CIMIP2C: variants seen among roughly 807,000 people sequenced by gnomAD.
The protein encoded by CIMIP2C is ciliary microtubule inner protein 2C.
chr2:26,562,939 G>A, the CIMIP2C span: 1 of 524,164 alleles, frequency 1.9e-6, no homozygotes, highest in Non-Finnish European at 3.4e-6. Flanking sequence ...AGCCAGCAGG[G>A]CATAAGGGAC....
the CIMIP2C span, among the ~76,000 whole-genome samples, chr2:26,569,084 C>A: frequency 2.6e-5 from 4 of 150,978 alleles, no homozygotes; most frequent in African/African-American, 7.3e-5. Context: ...GTGCAAAGGG[C>A]AAAGACAGTT....
the CIMIP2C span, among the ~76,000 whole-genome samples, chr2:26,565,794 T>C: frequency 6.6e-6 from 1 of 152,250 alleles, no homozygotes; most frequent in Non-Finnish European, 1.5e-5. Context: ...AGATCTCTAC[T>C]GTGTTCAAGA....
At chr2:26,579,221 G>C in the CIMIP2C span, 1 of 1,569,658 alleles carries the variant, frequency 6.4e-7, no homozygotes, top group African/African-American at 1.4e-5. Flanking sequence ...TGGGCACGTG[G>C]GGCTGTGGGT....
the CIMIP2C span, chr2:26,577,668 C>T: frequency 7.4e-6 from 11 of 1,494,572 alleles, no homozygotes; most frequent in South Asian, 2.3e-5. Context: ...AGTCAAGAAA[C>T]GCACCCATGG....
chr2:26,566,518 A>G, the CIMIP2C span, among the ~76,000 whole-genome samples: 2 of 152,108 alleles, frequency 1.3e-5, no homozygotes, highest in Admixed American at 6.5e-5. Context: ...TGGTATAAAT[A>G]CTCTCACCAA....
chr2:26,562,990 C>A, the CIMIP2C span: 2 of 432,800 alleles, frequency 4.6e-6, no homozygotes, highest in African/African-American at 2.1e-5. Context: ...GAGATGGAGC[C>A]ACGTGGGGTT....
At chr2:26,572,656 GT>G in the CIMIP2C span, among the ~76,000 whole-genome samples, 2 of 152,210 alleles carry the variant, frequency 1.3e-5, no homozygotes, top group African/African-American at 4.8e-5. Context: ...GAGAAAGAAG[GT>G]GAAAGAGGAA....
chr2:26,563,104 G>T, the CIMIP2C span: 1 of 196,418 alleles, frequency 5.1e-6, no homozygotes, highest in South Asian at 1.1e-4. Context: ...CCAGCATTCG[G>T]GCAAGGTCAG....
the CIMIP2C span, among the ~76,000 whole-genome samples, chr2:26,566,963 G>A: frequency 6.6e-6 from 1 of 152,220 alleles, no homozygotes; most frequent in Non-Finnish European, 1.5e-5. Context: ...GCCTGCCTCA[G>A]CCTCCCAAAG....
At chr2:26,575,624 C>G in the CIMIP2C span, among the ~76,000 whole-genome samples, 2 of 152,206 alleles carry the variant, frequency 1.3e-5, no homozygotes, top group Non-Finnish European at 2.9e-5. Context: ...GGGGAAGCCT[C>G]TTAGGGCCAA....
the CIMIP2C span, among the ~76,000 whole-genome samples, chr2:26,575,506 C>A: frequency 6.6e-6 from 1 of 152,154 alleles, no homozygotes; most frequent in African/African-American, 2.4e-5. Context: ...TGTGTAAGCC[C>A]CTGGTCTGGA....
chr2:26,568,791 C>T, the CIMIP2C span, among the ~76,000 whole-genome samples: 174 of 152,226 alleles, frequency 1.1e-3, no homozygotes, highest in African/African-American at 4.0e-3. Flanking sequence ...GAGGCCGGGG[C>T]AGGTGGATTA....
chr2:26,568,597 C>T, the CIMIP2C span, among the ~76,000 whole-genome samples: 76 of 152,336 alleles, frequency 5.0e-4, no homozygotes, highest in African/African-American at 1.7e-3. Flanking sequence ...TTCCATTCAA[C>T]AGATATTCAC....
chr2:26,566,905 A>T, the CIMIP2C span, among the ~76,000 whole-genome samples: 6 of 152,260 alleles, frequency 3.9e-5, no homozygotes, highest in South Asian at 1.2e-3. Flanking sequence ...TTTTTTGTAG[A>T]GACAGGGCTG....
At chr2:26,579,280 A>G in the CIMIP2C span, 1 of 1,613,464 alleles carries the variant, frequency 6.2e-7, no homozygotes, top group East Asian at 2.2e-5. Context: ...CACCAGTCCC[A>G]TCCTCACCCC....
the CIMIP2C span, chr2:26,572,182 C>T: frequency 6.0e-6 from 9 of 1,501,120 alleles, no homozygotes; most frequent in Non-Finnish European, 8.0e-6. Flanking sequence ...CCTCCACCCA[C>T]CCCCCAATTT....
chr2:26,565,404 A>C, the CIMIP2C span, among the ~76,000 whole-genome samples: 1 of 152,020 alleles, frequency 6.6e-6, no homozygotes, highest in African/African-American at 2.4e-5. Context: ...TTTCTTTTTT[A>C]AAATCATCAC....
chr2:26,576,624 G>C, the CIMIP2C span, among the ~76,000 whole-genome samples: 22 of 152,290 alleles, frequency 1.4e-4, no homozygotes, highest in African/African-American at 4.6e-4. Context: ...CAGCCCCACG[G>C]CATTTATCCA....
At chr2:26,569,282 T>C in the CIMIP2C span, among the ~76,000 whole-genome samples, 1 of 152,136 alleles carries the variant, frequency 6.6e-6, no homozygotes, top group Non-Finnish European at 1.5e-5. Context: ...GGATGTTCTT[T>C]CAAAGCAGCA....
Sources: allele counts gnomAD v4.1 joint callset (sites outside exome capture counted in the v4.1 genomes callset), GRCh38; gene constraint gnomAD v4.1.1; transcripts MANE v1.5; gene names NCBI Gene and HGNC (gene_info 2026-07-23, HGNC 2026-07-21).